Variants in SH2D3C observed in about 807,000 individuals in gnomAD.
The protein encoded by SH2D3C is SH2 domain containing 3C, also known as SH2 domain-containing protein 3C.
In SH2D3C, 25 loss-of-function variants were observed where a neutral mutation model predicts 75.2. The observed-to-expected ratio is 0.33, with a 90% CI of 0.24 to 0.46. The LOEUF (loss-of-function observed/expected upper bound fraction) is 0.46. Ranked by LOEUF, SH2D3C falls within the 20% of genes least tolerant of loss-of-function variation. The probability of loss-of-function intolerance (pLI) is 1.00; values close to 1 mark genes in which losing one functional copy is unlikely to be tolerated. For synonymous variants in SH2D3C, 450 were observed against 473.7 expected, an observed-to-expected ratio of 0.95 and a Z score of 0.65; for missense variants, 933 against 1,165.3, an observed-to-expected ratio of 0.80 and a Z score of 2.90.
In SH2D3C at chr9:127,749,781, TA is replaced by T; in HGVS notation, c.685-117del. ...GCACAGCAAGACCAGACCCAGGGCA[TA>T]GAGGACCCAATGAACAGAGACATCT... On this transcript the variant is annotated intron_variant, in intron 4 of 11. Transcript: ENST00000314830. The surrounding 1 kb of genome is among the most constrained non-coding windows in gnomAD (Gnocchi z 5.9). 1 of 667,444 alleles carries T rather than the reference TA, an allele frequency of 1.5e-6. No homozygotes were observed. The highest frequency in any genetic ancestry group is 2.6e-6 in the Non-Finnish European group (1 of 377,810). 41.3% of individuals were successfully genotyped at this position (667,444 alleles called of 1,614,324 possible).
chr9:127,747,386 T>C, intron 5 of SH2D3C, 115 bp from the exon 6 acceptor site: 2 of 1,016,706 alleles, frequency 2.0e-6, no homozygotes, highest in Non-Finnish European at 2.7e-6. Flanking sequence ...GCTTGGAGAT[T>C]ATCAAATCCA....
chr9:127,769,656 CG>C (rs1185813360), intron 2 of SH2D3C, among the ~76,000 whole-genome samples: 1 of 121,680 alleles, frequency 8.2e-6, no homozygotes, highest in African/African-American at 3.7e-5. Context: ...AACTCCATCT[CG>C]AAAAAAAAAA....
At chr9:127,752,507 G>T (rs1326530325) in intron 3 of SH2D3C, among the ~76,000 whole-genome samples, 1 of 152,058 alleles carries the variant, frequency 6.6e-6, no homozygotes. Context: ...TTCATCCCAG[G>T]TGAGTCTCTC....
At position 127,744,602 on chromosome 9, in the gene SH2D3C, G is replaced by C. The variant is rs142604139; in HGVS notation, c.1762C>G (p.Arg588Gly). ...VKELLAEVDARTLARHVTKVD... is the reference protein window; with the variant it reads ...VKELLAEVDAGTLARHVTKVD... ...TTGGTGACATGCCGGGCCAGCGTCCGGGCATCCACTTCTGCCAGCAGCTCC... is the reference window on the plus strand; with the variant it reads ...TTGGTGACATGCCGGGCCAGCGTCCCGGCATCCACTTCTGCCAGCAGCTCC... Residue 588 changes from arginine (R) to glycine (G), a missense_variant, in exon 7 of 12, where the codon CGG (arginine) becomes GGG (glycine). By Grantham distance (125) the Arg-to-Gly change is moderately radical. Transcript: ENST00000314830. 53 of 1,612,226 alleles carry C rather than the reference G, an allele frequency of 3.3e-5. No individual in the cohort carries two copies. The highest frequency in any genetic ancestry group is 3.3e-4 in the Middle Eastern group (2 of 6,068).
chr9:127,741,969 C>A lies in SH2D3C; in HGVS notation c.1917-10G>T. 2 of 1,601,842 alleles carry A rather than the reference C, an allele frequency of 1.2e-6. No homozygotes were observed. The highest frequency in any genetic ancestry group is 1.1e-5 in the South Asian group (1 of 90,564). On this transcript the variant is annotated splice_polypyrimidine_tract_variant and intron_variant, in intron 8 of 11. Transcript: ENST00000314830. ...GGACATGGTGTGGAACCTGTCAGAG[C>A]GGCGGGGTCAGAGGCGGCGGGCTCG... is the stretch of plus-strand genomic sequence containing the variant.
chr9:127,771,495 G>A, intron 2 of SH2D3C: 1 of 704,212 alleles, frequency 1.4e-6, no homozygotes, highest in Non-Finnish European at 2.1e-6. Context: ...GTCAGTGTCG[G>A]GAAGGCCTCG....
At chr9:127,767,240 G>A (rs1006313445) in intron 2 of SH2D3C, 1 of 1,473,836 alleles carries the variant, frequency 6.8e-7, no homozygotes, top group Non-Finnish European at 9.0e-7. Context: ...GAGGATGCTG[G>A]GCCCTGACAG....
rs746887919 is a variant in SH2D3C at position 127,767,061 on chromosome 9, C to A, written c.516-5411G>T. On this transcript the variant is annotated intron_variant, in intron 2 of 11. Coordinates refer to ENST00000314830, the MANE Select transcript of SH2D3C (RefSeq NM_170600.3). ...GAAGGCTCTTGGCTTTGGCCCTGCC[C>A]CACTCCCCAAGATGGGCCACCATTG... The A allele has an allele frequency of 1.2e-5, 19 of 1,536,220 alleles. 1 individual carries two copies. In the South Asian group the frequency reaches 2.3e-4, roughly 18 times the overall value.
chr9:127,743,046 G>C (rs911057539), intron 7 of SH2D3C, 82 bp from the exon 8 acceptor site: 6 of 947,662 alleles, frequency 6.3e-6, no homozygotes, highest in Admixed American at 2.3e-5. Context: ...TTTATCTAAG[G>C]GGGTAGGTAG....
At chr9:127,745,170 C>G (rs1395958306) in intron 6 of SH2D3C, 71 bp from the exon 7 acceptor site, 13 of 1,301,760 alleles carry the variant, frequency 1.0e-5, no homozygotes, top group Non-Finnish European at 1.3e-5. Flanking sequence ...GCACCCCTTC[C>G]CAAAGAACAG....
At position 127,738,812 on chromosome 9, in the gene SH2D3C, C is replaced by T. The variant is rs749825477; in HGVS notation, c.2517G>A (p.Lys839=). 1.9e-6 allele frequency: 3 copies of T among 1,608,378 alleles called. No homozygotes were observed. The highest frequency in any genetic ancestry group is 3.4e-5 in the Admixed American group (2 of 59,058). Residue 839 remains lysine, a synonymous_variant, in exon 12 of 12, where the codon AAG becomes AAA. Coordinates refer to ENST00000314830, the MANE Select transcript of SH2D3C (RefSeq NM_170600.3). The surrounding 1 kb of genome is among the most constrained non-coding windows in gnomAD (Gnocchi z 5.0). ...ACAGGGCAGTGAGGACCTTGTCGAACTTCTCATAGCGCCGGGCCTGGCTGC... is the reference window on the plus strand; with the variant it reads ...ACAGGGCAGTGAGGACCTTGTCGAATTTCTCATAGCGCCGGGCCTGGCTGC... The part of the protein sequence containing the change: ...ASSSQARRYE[K]FDKVLTALSH...
chr9:127,744,137 C>T (rs891187035), intron 7 of SH2D3C, among the ~76,000 whole-genome samples: 3 of 134,808 alleles, frequency 2.2e-5, no homozygotes, highest in African/African-American at 8.5e-5. Flanking sequence ...GTGGTGTGAT[C>T]TCAGCTCACT....
intron 1 of SH2D3C, among the ~76,000 whole-genome samples, chr9:127,776,225 C>T (rs2131813894): frequency 6.6e-6 from 1 of 152,270 alleles, no homozygotes; most frequent in Middle Eastern, 3.4e-3. Context: ...CAGTTTAATC[C>T]CCATTTTCCA....
intron 2 of SH2D3C, among the ~76,000 whole-genome samples, chr9:127,766,131 C>T (rs1372541278): frequency 6.6e-6 from 1 of 152,216 alleles, no homozygotes; most frequent in Admixed American, 6.5e-5. Flanking sequence ...CCCCAGGGGC[C>T]CTGTAGGAGA....
rs778794210 is a variant in SH2D3C at position 127,774,227 on chromosome 9, G to A, written c.278C>T (p.Ala93Val). The A allele has an allele frequency of 2.5e-6, 4 of 1,614,052 alleles. No homozygotes were observed. The change falls in exon 2 of 12, where the codon GCT becomes GTT. Residue 93 changes from alanine (A) to valine (V), a missense_variant. Transcript: ENST00000314830. This position sits in a 1 kb window ranked among gnomAD's most constrained non-coding sequence, Gnocchi z 4.3. ...ACCCGCCTCCTGGGCCTGCCGGGCA[G>A]CCTGTGAGTTCTGTGCTTTCTTGAT... ...PSIKKAQNSQAARQAQEAGPK... is the reference protein window; with the variant it reads ...PSIKKAQNSQVARQAQEAGPK...
At chr9:127,771,569 C>T (rs1845740434) in intron 2 of SH2D3C, 1 of 328,736 alleles carries the variant, frequency 3.0e-6, no homozygotes, top group Non-Finnish European at 5.5e-6. Flanking sequence ...AGCAGCTCTC[C>T]GCGCAGCCTG....
At chr9:127,742,813 T>A in intron 8 of SH2D3C, 36 bp downstream of exon 8, 1 of 1,524,780 alleles carries the variant, frequency 6.6e-7, no homozygotes, top group Non-Finnish European at 9.0e-7. Context: ...TAGCCGGGGG[T>A]TCCCCGCGAG....
At chr9:127,752,524 G>T (rs1455621964) in intron 3 of SH2D3C, among the ~76,000 whole-genome samples, 1 of 152,062 alleles carries the variant, frequency 6.6e-6, no homozygotes, top group Non-Finnish European at 1.5e-5. Flanking sequence ...TCTCCCTGGG[G>T]CCCCTCGCTC....
At chr9:127,771,163 C>T in intron 2 of SH2D3C, 2 of 1,527,462 alleles carry the variant, frequency 1.3e-6, no homozygotes, top group South Asian at 2.4e-5. Flanking sequence ...CTGGCCCTCC[C>T]CAGGCCCAGC....
Sources: allele counts gnomAD v4.1 joint callset (sites outside exome capture counted in the v4.1 genomes callset), GRCh38; gene constraint gnomAD v4.1.1; non-coding constraint Gnocchi (gnomAD v3.1); transcripts MANE v1.5; gene names NCBI Gene and HGNC (gene_info 2026-07-23, HGNC 2026-07-21).